SMG6: variants seen among roughly 807,000 people sequenced by gnomAD.
SMG6 encodes the protein SMG6 nonsense mediated mRNA decay factor, also known as telomerase-binding protein EST1A.
In SMG6, 66 loss-of-function variants were observed where a neutral mutation model predicts 142.2. The observed-to-expected ratio is 0.46, with a 90% confidence interval of 0.38 to 0.57. The LOEUF (loss-of-function observed/expected upper bound fraction) is 0.57, where lower values mean the gene tolerates loss of function less well. Ranked by LOEUF, SMG6 falls within the 20% of genes least tolerant of loss-of-function variation. The pLI is 0.00. For missense variants in SMG6, 1,793 were observed against 1,832.0 expected (o/e 0.98, Z 0.39); for synonymous variants, 779 against 702.4 (o/e 1.11, Z -1.72).
intron 13 of SMG6, among the ~76,000 whole-genome samples, chr17:2,093,746 C>G (rs2068786249): frequency 6.6e-6 from 1 of 152,144 alleles, no homozygotes; most frequent in South Asian, 2.1e-4. Context: ...TGGCTTGCAG[C>G]AGGCTCAGTC....
chr17:2,100,150 G>A (rs933440547), intron 13 of SMG6, among the ~76,000 whole-genome samples: 3 of 150,180 alleles, frequency 2.0e-5, no homozygotes, highest in Admixed American at 6.7e-5. Context: ...CAATTCTTCT[G>A]CCTCAGCCTC....
chr17:2,195,534 C>T (rs922812101), intron 10 of SMG6, among the ~76,000 whole-genome samples: 1 of 152,214 alleles, frequency 6.6e-6, no homozygotes, highest in Non-Finnish European at 1.5e-5. Flanking sequence ...ACTTCACATC[C>T]TTGGAAATCA....
chr17:2,244,679 C>T lies in SMG6; in HGVS notation c.2702G>A (p.Gly901Glu), dbSNP rs2073889915. 6.2e-7 allele frequency: 1 copy of T among 1,613,802 alleles called. No homozygotes were observed. The highest frequency in any genetic ancestry group is 1.3e-5 in the African/African-American group (1 of 74,920). Residue 901 changes from glycine (G) to glutamate (E), a missense_variant, in exon 9 of 19, where the codon GGG (glycine) becomes GAG (glutamate). By Grantham distance (98) the Gly-to-Glu change is moderately conservative. Coordinates refer to ENST00000263073, the MANE Select transcript of SMG6 (RefSeq NM_017575.5). ...TTACCCAATCCGGGTAAACAGCTTCCCATGGGCATGGAGAAAACTGAGGAT... is the reference window on the plus strand; with the variant it reads ...TTACCCAATCCGGGTAAACAGCTTCTCATGGGCATGGAGAAAACTGAGGAT... ...RFILSFLHAH[G>E]KLFTRIGMET... is the part of the protein sequence containing the mutation.
At chr17:2,231,882 T>C (rs943973743) in intron 10 of SMG6, among the ~76,000 whole-genome samples, 2 of 152,112 alleles carry the variant, frequency 1.3e-5, no homozygotes, top group African/African-American at 4.8e-5. Flanking sequence ...AATGGATGTA[T>C]GTGCTATGAA....
chr17:2,197,853 G>C (rs2072379027), intron 10 of SMG6, among the ~76,000 whole-genome samples: 1 of 152,196 alleles, frequency 6.6e-6, no homozygotes, highest in Admixed American at 6.5e-5. Context: ...AGGATGCTGG[G>C]AAATTGGATC....
intron 7 of SMG6, 98 bp downstream of exon 7, chr17:2,283,527 C>A: frequency 1.0e-6 from 1 of 953,190 alleles, no homozygotes; most frequent in Non-Finnish European, 1.7e-6. Flanking sequence ...ATAAACCTCA[C>A]TGGCTACGAT....
At position 2,300,111 on chromosome 17, in the gene SMG6, T is replaced by C. The variant is rs767567547; in HGVS notation, c.642A>G (p.Gly214=). 19 of 1,614,048 alleles carry C rather than the reference T, an allele frequency of 1.2e-5. 2 individuals carry two copies. The South Asian group carries it at 2.1e-4, about 18-fold the overall frequency. Residue 214 remains glycine (G), a synonymous_variant, in exon 2 of 19, where the codon GGA becomes GGG. Coordinates refer to ENST00000263073, the MANE Select transcript of SMG6 (RefSeq NM_017575.5). ...PGGGRVGAAK[G]EKGKRMGKGE... is the part of the protein sequence containing the mutation. ...CTTTTCCCATCCTCTTTCCTTTTTCTCCTTTTGCAGCCCCTACTCTCCCAC... is the reference window on the plus strand; with the variant it reads ...CTTTTCCCATCCTCTTTCCTTTTTCCCCTTTTGCAGCCCCTACTCTCCCAC...
Position 2,071,741 on chromosome 17 carries a change from G to C in SMG6, c.3682-2810C>G, listed in dbSNP as rs1022468773. ...CTGGGGTACCGGTGGGCCTCTGGGC[G>C]GGGGGGGTCACACCTGGGTCACAAG... On this transcript the variant is annotated intron_variant, in intron 15 of 18. Coordinates refer to ENST00000263073, the MANE Select transcript of SMG6 (RefSeq NM_017575.5). This position sits in a 1 kb window ranked among gnomAD's most constrained non-coding sequence, Gnocchi z 5.6. Among the ~76,000 whole-genome samples, 1 of 19,598 alleles carries C rather than the reference G, an allele frequency of 5.1e-5. No homozygotes were observed. Among genetic ancestry groups the C allele is most frequent in the Non-Finnish European group, 9.6e-5 (1 of 10,364 alleles). 12.9% of individuals were successfully genotyped at this position (19,598 alleles called of 152,430 possible).
chr17:2,127,405 CT>C (rs1039730058), intron 13 of SMG6: 8 of 725,648 alleles, frequency 1.1e-5, no homozygotes, highest in African/African-American at 1.1e-4. Flanking sequence ...TTTTCCCCCC[CT>C]CTTTAAATAG....
intron 4 of SMG6, among the ~76,000 whole-genome samples, chr17:2,294,432 C>T (rs554522370): frequency 6.2e-4 from 94 of 152,306 alleles, no homozygotes; most frequent in Middle Eastern, 6.8e-3. Context: ...AAGTCCTGGA[C>T]GATTGAGCCT....
chr17:2,097,515 G>A (rs1353437746), intron 13 of SMG6, among the ~76,000 whole-genome samples: 1 of 152,154 alleles, frequency 6.6e-6, no homozygotes, highest in African/African-American at 2.4e-5. Context: ...GAATCTGTAA[G>A]GGGGCATATT....
At position 2,303,343 on chromosome 17, in the gene SMG6, G is replaced by T; in HGVS notation, c.88+290C>A. The T allele has an allele frequency of 2.5e-6, 3 of 1,181,970 alleles. 1 individual carries two copies. The African/African-American group carries it at 4.7e-5, about 19-fold the overall frequency. The allele number at this position is 1,181,970 out of a possible 1,614,324, so 73.2% of individuals were successfully genotyped here. A position where few individuals can be genotyped will look rare whatever the true frequency, so the allele number is the denominator to read the frequency against. On this transcript the variant is annotated intron_variant, in intron 1 of 18. Coordinates refer to ENST00000263073, the MANE Select transcript of SMG6 (RefSeq NM_017575.5). Reference sequence around the variant, plus strand: ...TCCCGATGCCTGGGAATCCGGGGCGGGTCTGAGAGGGCTGGGGCAAAAGGA... The same window carrying T: ...TCCCGATGCCTGGGAATCCGGGGCGTGTCTGAGAGGGCTGGGGCAAAAGGA...
intron 8 of SMG6, chr17:2,265,840 T>C (rs1010973954): frequency 7.5e-6 from 2 of 266,658 alleles, no homozygotes. Flanking sequence ...CTGGTTAAAA[T>C]AAAGTGTGAT....
At chr17:2,298,528 G>T (rs1176477296) in intron 2 of SMG6, among the ~76,000 whole-genome samples, 1 of 151,972 alleles carries the variant, frequency 6.6e-6, no homozygotes, top group African/African-American at 2.4e-5. Context: ...GATCATCCTG[G>T]CTAACATGGT....
At chr17:2,099,723 A>G (rs1226933620) in intron 13 of SMG6, among the ~76,000 whole-genome samples, 7 of 152,222 alleles carry the variant, frequency 4.6e-5, no homozygotes, top group Non-Finnish European at 8.8e-5. Context: ...ATAACGTGTA[A>G]GTCAGCAAAT....
At chr17:2,155,230 T>A (rs2151609882) in intron 13 of SMG6, among the ~76,000 whole-genome samples, 1 of 151,964 alleles carries the variant, frequency 6.6e-6, no homozygotes, top group East Asian at 1.9e-4. Flanking sequence ...CCCGGCTACT[T>A]TTTGTATTTT....
chr17:2,109,452 C>T (rs2069247974), intron 13 of SMG6, among the ~76,000 whole-genome samples: 1 of 152,236 alleles, frequency 6.6e-6, no homozygotes, highest in East Asian at 1.9e-4. Flanking sequence ...TTAGTAGAGA[C>T]AGGGTTTCGC....
At position 2,236,699 on chromosome 17, in the gene SMG6, TCTCACACACA is replaced by T. The variant is rs1242031994; in HGVS notation, c.2724-72_2724-63del. ...CTCTTTCAGTCTCTCTCTCACTCTG[TCTCACACACA>T]CACACACACACACACACACACACAC... On this transcript the variant is annotated intron_variant, in intron 9 of 18. Transcript: ENST00000263073. The T allele has an allele frequency of 1.6e-4, 234 of 1,460,778 alleles. 1 individual carries two copies. In the East Asian group the frequency reaches 1.8e-3, roughly 11 times the overall value. 90.5% of individuals were successfully genotyped at this position (1,460,778 alleles called of 1,614,324 possible). A position where few individuals can be genotyped will look rare whatever the true frequency, so the allele number is the denominator to read the frequency against.
chr17:2,285,638 G>C (rs1482116389), intron 6 of SMG6, among the ~76,000 whole-genome samples: 1 of 152,102 alleles, frequency 6.6e-6, no homozygotes, highest in East Asian at 1.9e-4. Flanking sequence ...CAGGAGTTCA[G>C]GACCAGCCTT....
Sources: allele counts gnomAD v4.1 joint callset (sites outside exome capture counted in the v4.1 genomes callset), GRCh38; gene constraint gnomAD v4.1.1; non-coding constraint Gnocchi (gnomAD v3.1); transcripts MANE v1.5; gene names NCBI Gene and HGNC (gene_info 2026-07-23, HGNC 2026-07-21).